The following PTPRA variants were observed in gnomAD, a reference collection of about 807,000 sequenced individuals.
PTPRA encodes the protein protein tyrosine phosphatase receptor type A, also known as receptor-type tyrosine-protein phosphatase alpha.
Under a neutral mutation model 104.8 loss-of-function variants are expected in PTPRA, and 25 were observed. The observed-to-expected ratio is 0.24, with a 90% CI of 0.17 to 0.33. The LOEUF is 0.33. PTPRA is among the 10% of genes least tolerant of loss of function. The pLI, the probability that PTPRA is intolerant of heterozygous loss-of-function variation, is 1.00. For synonymous variants in PTPRA, 323 were observed against 368.9 expected, an observed-to-expected ratio of 0.88 and a Z score of 1.43; for missense variants, 765 against 1,015.3, an observed-to-expected ratio of 0.75 and a Z score of 3.35.
intron 11 of PTPRA, among the ~76,000 whole-genome samples, chr20:3,009,414 G>A (rs747426520): frequency 7.2e-5 from 11 of 152,166 alleles, no homozygotes; most frequent in Admixed American, 2.6e-4. Context: ...AAAGAAAAGC[G>A]TTAGGAAGTT....
intron 6 of PTPRA, among the ~76,000 whole-genome samples, chr20:2,983,127 A>G: frequency 6.6e-6 from 1 of 152,206 alleles, no homozygotes; most frequent in African/African-American, 2.4e-5. Flanking sequence ...ATCCTAATTT[A>G]GTATTAGGAA....
In PTPRA at chr20:3,030,327, CTG is replaced by C. The variant is rs201166910; in HGVS notation, c.1920+2488_1920+2489del. Among the ~76,000 whole-genome samples, 914 of 152,278 alleles carry C rather than the reference CTG, an allele frequency of 6.0e-3. 7 individuals carry two copies. Among genetic ancestry groups the C allele is most frequent in the African/African-American group, 0.02 (844 of 41,534 alleles). ...GTGAGGCCTCTCCCTCTGCCTTCCA[CTG>C]TAGCTTATGCTCTGTCTTCCTAGGC... On this transcript the variant is annotated intron_variant, in intron 20 of 23. Transcript: ENST00000399903.
intron 11 of PTPRA, among the ~76,000 whole-genome samples, chr20:3,015,141 T>G (rs1295308796): frequency 6.6e-6 from 1 of 152,126 alleles, no homozygotes; most frequent in African/African-American, 2.4e-5. Flanking sequence ...TTTCCCAGAG[T>G]GAACCCAGCT....
chr20:2,931,351 T>C (rs2060496615), intron 2 of PTPRA, among the ~76,000 whole-genome samples: 1 of 151,986 alleles, frequency 6.6e-6, no homozygotes, highest in South Asian at 2.1e-4. Context: ...TCTGAGACAG[T>C]GGTGGAATCC....
At chr20:2,927,192 G>A (rs2060332853) in intron 2 of PTPRA, among the ~76,000 whole-genome samples, 1 of 152,178 alleles carries the variant, frequency 6.6e-6, no homozygotes, top group Non-Finnish European at 1.5e-5. Flanking sequence ...ACAGTCGTGA[G>A]TGCCGCGCCC....
chr20:3,007,064 A>T (rs1448819647), intron 10 of PTPRA, among the ~76,000 whole-genome samples: 2 of 152,172 alleles, frequency 1.3e-5, no homozygotes, highest in Non-Finnish European at 2.9e-5. Flanking sequence ...TTAATAGTAT[A>T]TATTGTCAGT....
intron 1 of PTPRA, among the ~76,000 whole-genome samples, chr20:2,918,087 C>T (rs1481047645): frequency 1.1e-5 from 1 of 94,310 alleles, no homozygotes; most frequent in African/African-American, 4.3e-5. Flanking sequence ...GACTCTGTCT[C>T]AAAAAAAAAA....
chr20:3,036,521 C>G (rs1396634618), intron 22 of PTPRA, among the ~76,000 whole-genome samples: 1 of 152,236 alleles, frequency 6.6e-6, no homozygotes, highest in Non-Finnish European at 1.5e-5. Flanking sequence ...GTTTCCCAGG[C>G]AGCCACAGGG....
intron 1 of PTPRA, among the ~76,000 whole-genome samples, chr20:2,908,666 G>A (rs2059514892): frequency 6.6e-6 from 1 of 152,086 alleles, no homozygotes; most frequent in Non-Finnish European, 1.5e-5. Flanking sequence ...GCCAGGGTGG[G>A]AGGATTGCTT....
intron 2 of PTPRA, among the ~76,000 whole-genome samples, chr20:2,937,016 T>C (rs1408910717): frequency 6.6e-6 from 1 of 152,100 alleles, no homozygotes; most frequent in Non-Finnish European, 1.5e-5. Flanking sequence ...TCTAGGAATA[T>C]ATATGTAGAT....
intron 1 of PTPRA, among the ~76,000 whole-genome samples, chr20:2,915,543 A>G (rs1021380127): frequency 6.6e-6 from 1 of 152,112 alleles, no homozygotes; most frequent in African/African-American, 2.4e-5. Context: ...TCTGATTAAC[A>G]CATAGTTTCT....
intron 1 of PTPRA, among the ~76,000 whole-genome samples, chr20:2,916,355 T>A (rs2059904489): frequency 6.6e-6 from 1 of 152,184 alleles, no homozygotes; most frequent in East Asian, 1.9e-4. Context: ...AAGTTAATTT[T>A]TATATATGGT....
At chr20:2,971,522 T>C (rs1216894234) in intron 5 of PTPRA, among the ~76,000 whole-genome samples, 2 of 152,204 alleles carry the variant, frequency 1.3e-5, no homozygotes, top group Non-Finnish European at 2.9e-5. Context: ...ATCTTCCAAA[T>C]TTTTAGAACT....
chr20:2,865,342 T>G, the PTPRA span: 1 of 1,614,092 alleles, frequency 6.2e-7, no homozygotes, highest in Non-Finnish European at 8.5e-7. This position sits in a 1 kb window ranked among gnomAD's most constrained non-coding sequence, Gnocchi z 5.2. Flanking sequence ...AGGCTGCATG[T>G]GGGTCCCAGG....
the PTPRA span, chr20:2,865,130 C>T: frequency 4.3e-6 from 7 of 1,614,174 alleles, no homozygotes; most frequent in South Asian, 1.1e-5. The surrounding 1 kb of genome is among the most constrained non-coding windows in gnomAD (Gnocchi z 5.2). Flanking sequence ...CATCATGCCT[C>T]ATTATCCGGG....
chr20:2,889,934 T>C (rs572751940), intron 1 of PTPRA, among the ~76,000 whole-genome samples: 68 of 152,190 alleles, frequency 4.5e-4, no homozygotes, highest in African/African-American at 1.5e-3. Context: ...CCCATGCTGG[T>C]GTGCAGTGGT....
At position 3,027,812 on chromosome 20, in the gene PTPRA, A is replaced by G. The variant is rs758708963; in HGVS notation, c.1891A>G (p.Met631Val). 1 of 1,614,164 alleles carries G rather than the reference A, an allele frequency of 6.2e-7. No individual in the cohort carries two copies. Among genetic ancestry groups the G allele is most frequent in the Non-Finnish European group, 8.5e-7 (1 of 1,180,038 alleles). ...GGAGTGGAAATCCTGCTCTATCGTGATGCTAACAGAACTGGAGGAGAGAGG... is the reference window on the plus strand; with the variant it reads ...GGAGTGGAAATCCTGCTCTATCGTGGTGCTAACAGAACTGGAGGAGAGAGG... Reference protein sequence around the residue: ...IWEWKSCSIVMLTELEERGQE... With the variant: ...IWEWKSCSIVVLTELEERGQE... Residue 631 changes from methionine (M) to valine (V), a missense_variant, in exon 20 of 24, where the codon ATG (methionine) becomes GTG (valine). Physicochemically the swap from Met to Val is conservative, Grantham distance 21. This residue lies in a region of PTPRA where 192 missense variants were observed against 227.0 expected (regional missense o/e 0.85). Transcript: ENST00000399903.
Position 2,981,572 on chromosome 20 carries a change from AAT to A in PTPRA, c.443-5186_443-5185del, listed in dbSNP as rs547007784. 2.6e-5 allele frequency among the ~76,000 whole-genome samples: 4 copies of A among 152,332 alleles called. No individual in the cohort carries two copies. The South Asian group carries it at 8.3e-4, about 32-fold the overall frequency. On this transcript the variant is annotated intron_variant, in intron 6 of 23. Coordinates refer to ENST00000399903, the MANE Select transcript of PTPRA (RefSeq NM_001385305.1). ...AATGTCATTAGTGTGACGTTGAGAA[AAT>A]ATATATGCAGCATATGTTTTGTAAA...
At chr20:2,910,549 C>A in intron 1 of PTPRA, among the ~76,000 whole-genome samples, 1 of 92,124 alleles carries the variant, frequency 1.1e-5, no homozygotes, top group Non-Finnish European at 2.0e-5. Context: ...GTGGCTGGGA[C>A]TACAGGTGTG....
Sources: allele counts gnomAD v4.1 joint callset (sites outside exome capture counted in the v4.1 genomes callset), GRCh38; gene constraint gnomAD v4.1.1; regional missense constraint gnomAD v4.1.1; non-coding constraint Gnocchi (gnomAD v3.1); transcripts MANE v1.5; gene names NCBI Gene and HGNC (gene_info 2026-07-23, HGNC 2026-07-21).